Variants in COL23A1 observed in about 807,000 individuals in gnomAD.
The protein encoded by COL23A1 is collagen alpha-1(XXIII) chain.
COL23A1 carries 97 observed loss-of-function variants against 99.3 expected under a neutral mutation model. That is an observed-to-expected ratio of 0.98 (90% CI 0.83 to 1.16). The LOEUF is 1.16. Among genes scored for constraint, COL23A1 ranks in the 50% most tolerant of loss-of-function variants. COL23A1 has a pLI of 0.00. For missense variants in COL23A1, 762 were observed against 757.4 expected (o/e 1.01, Z -0.07); for synonymous variants, 320 against 308.2 (o/e 1.04, Z -0.40).
chr5:178,469,056 C>T (rs1274768010), intron 2 of COL23A1, among the ~76,000 whole-genome samples: 1 of 152,196 alleles, frequency 6.6e-6, no homozygotes, highest in Non-Finnish European at 1.5e-5. Flanking sequence ...CCTCAAGGTC[C>T]GTCCATGTTG....
intron 2 of COL23A1, among the ~76,000 whole-genome samples, chr5:178,330,192 GCC>G (rs1215798146): frequency 1.3e-5 from 2 of 152,224 alleles, no homozygotes; most frequent in East Asian, 3.8e-4. Flanking sequence ...CAGAAGAAGG[GCC>G]TAGGGTCTCC....
At chr5:178,425,893 T>C (rs1328478681) in intron 2 of COL23A1, among the ~76,000 whole-genome samples, 1 of 152,212 alleles carries the variant, frequency 6.6e-6, no homozygotes, top group Non-Finnish European at 1.5e-5. Context: ...TGCCTGCCCA[T>C]GGGGCTCAGA....
At chr5:178,448,430 A>G (rs143987829) in intron 2 of COL23A1, among the ~76,000 whole-genome samples, 8 of 151,526 alleles carry the variant, frequency 5.3e-5, no homozygotes, top group African/African-American at 1.9e-4. Context: ...TTGTTCTGTT[A>G]GTGCTAGTCG....
chr5:178,246,348 A>T, intron 23 of COL23A1, 41 bp from the exon 24 acceptor site: 1 of 1,562,520 alleles, frequency 6.4e-7, no homozygotes, highest in Non-Finnish European at 8.7e-7. Flanking sequence ...TGCTAGTGAC[A>T]GGAATTAACA....
chr5:178,431,982 AG>A (rs1766290339), intron 2 of COL23A1, among the ~76,000 whole-genome samples: 1 of 152,244 alleles, frequency 6.6e-6, no homozygotes, highest in Admixed American at 6.5e-5. Context: ...CTCTGGGCAA[AG>A]AACAGAAATC....
At chr5:178,383,203 T>G (rs1763476647) in intron 2 of COL23A1, among the ~76,000 whole-genome samples, 1 of 151,706 alleles carries the variant, frequency 6.6e-6, no homozygotes, top group Admixed American at 6.6e-5. Flanking sequence ...TTCTGGAACT[T>G]TCCTAGGTGC....
intron 2 of COL23A1, among the ~76,000 whole-genome samples, chr5:178,459,949 G>A (rs1026111065): frequency 3.9e-5 from 6 of 152,046 alleles, no homozygotes; most frequent in East Asian, 1.9e-4. Context: ...AATTCAATAC[G>A]ATGTTAATAA....
At position 178,484,031 on chromosome 5, in the gene COL23A1, A is replaced by G. The variant is rs1420092416; in HGVS notation, c.361+76651T>C. On this transcript the variant is annotated intron_variant, in intron 2 of 28. Coordinates refer to ENST00000390654, the MANE Select transcript of COL23A1 (RefSeq NM_173465.4). ...CGGCTCTCTGCAACCTCCCAGGTTC[A>G]AGCGATTCTCCTGCCTCAGTCTTCT... Among the ~76,000 whole-genome samples, 3 of 152,084 alleles carry G rather than the reference A, an allele frequency of 2.0e-5. No homozygotes were observed. The East Asian group carries it at 5.8e-4, about 29-fold the overall frequency.
In COL23A1 at chr5:178,427,266, C is replaced by T. The variant is rs541528970; in HGVS notation, c.362-120347G>A. Among the ~76,000 whole-genome samples, 4 of 152,324 alleles carry T rather than the reference C, an allele frequency of 2.6e-5. No homozygotes were observed. The South Asian group carries it at 8.3e-4, about 32-fold the overall frequency. ...ATGGCCAAAATCCAGCACACTGAAC[C>T]ACCAGATGCTGGCAGGGATGTGGAG... On this transcript the variant is annotated intron_variant, in intron 2 of 28. Transcript: ENST00000390654.
At position 178,418,999 on chromosome 5, in the gene COL23A1, T is replaced by C. The variant is rs527483390; in HGVS notation, c.362-112080A>G. Among the ~76,000 whole-genome samples, 3 of 152,306 alleles carry C rather than the reference T, an allele frequency of 2.0e-5. No homozygotes were observed. In the East Asian group the frequency reaches 5.8e-4, roughly 29 times the overall value. On this transcript the variant is annotated intron_variant, in intron 2 of 28. Transcript: ENST00000390654. ...CTCATCCACTTCATAGTGCTTGGAA[T>C]GAAGTCTGACCTATGGCAGATGCTC...
At chr5:178,381,833 C>T (rs1763396905) in intron 2 of COL23A1, among the ~76,000 whole-genome samples, 1 of 152,124 alleles carries the variant, frequency 6.6e-6, no homozygotes. Flanking sequence ...ATGGGATTTC[C>T]CTCTATTGCC....
chr5:178,547,602 C>CCT (rs1761690542), intron 2 of COL23A1, among the ~76,000 whole-genome samples: 1 of 9,084 alleles, frequency 1.1e-4, no homozygotes, highest in African/African-American at 2.6e-4. Flanking sequence ...CAACCACCCA[C>CCT]ACACACACCC....
chr5:178,284,221 T>C lies in COL23A1; in HGVS notation c.441+4103A>G, dbSNP rs145945968. ...GGATCCAAAAGCTCTTAAACACGGG[T>C]GATTTCCTCTTTAAACTCTATGCCT... On this transcript the variant is annotated intron_variant, in intron 5 of 28. Coordinates refer to ENST00000390654, the MANE Select transcript of COL23A1 (RefSeq NM_173465.4). Among the ~76,000 whole-genome samples the C allele has an allele frequency of 3.1e-4, 47 of 152,298 alleles. No individual in the cohort carries two copies. The East Asian group carries it at 8.3e-3, about 27-fold the overall frequency.
At position 178,281,617 on chromosome 5, in the gene COL23A1, G is replaced by C. The variant is rs528551557; in HGVS notation, c.441+6707C>G. On this transcript the variant is annotated intron_variant, in intron 5 of 28. Coordinates refer to ENST00000390654, the MANE Select transcript of COL23A1 (RefSeq NM_173465.4). The surrounding 1 kb of genome is among the most constrained non-coding windows in gnomAD (Gnocchi z 4.0). ...CGCCTGCCAGCCCTCGTTTCTGTTA[G>C]TCATTCAGGCTTCACCAGCAAATTA... Among the ~76,000 whole-genome samples, 217 of 152,342 alleles carry C rather than the reference G, an allele frequency of 1.4e-3. 1 individual carries two copies. Among genetic ancestry groups the C allele is most frequent in the Non-Finnish European group, 2.4e-3 (160 of 68,028 alleles).
chr5:178,574,877 A>G (rs554318153), intron 1 of COL23A1, among the ~76,000 whole-genome samples: 5 of 152,314 alleles, frequency 3.3e-5, no homozygotes, highest in South Asian at 2.1e-4. Context: ...CCTGCTCAAT[A>G]GGAATCCAGG....
chr5:178,438,684 G>C (rs1340301666), intron 2 of COL23A1: 5 of 151,596 alleles, frequency 3.3e-5, no homozygotes, highest in African/African-American at 1.2e-4. Context: ...ACTATAAAAT[G>C]CTTCAGAAAA....
intron 1 of COL23A1, among the ~76,000 whole-genome samples, chr5:178,567,431 C>G (rs751221048): frequency 2.6e-5 from 4 of 152,096 alleles, no homozygotes; most frequent in Non-Finnish European, 4.4e-5. Context: ...CAGGGGCACT[C>G]GTCAAAGAAA....
At position 178,331,165 on chromosome 5, in the gene COL23A1, C is replaced by T. The variant is rs770239583; in HGVS notation, c.362-24246G>A. On this transcript the variant is annotated intron_variant, in intron 2 of 28. Coordinates refer to ENST00000390654, the MANE Select transcript of COL23A1 (RefSeq NM_173465.4). ...TGCAAGCTGGCAGAGGCACTGCCTC[C>T]GCTGTCATGCTATGTTCCCTTCTGG... is the stretch of plus-strand genomic sequence containing the variant. Among the ~76,000 whole-genome samples, 59 of 152,352 alleles carry T rather than the reference C, an allele frequency of 3.9e-4. 1 individual carries two copies. Among genetic ancestry groups the T allele is most frequent in the Non-Finnish European group, 6.3e-4 (43 of 68,038 alleles).
At chr5:178,298,467 C>T (rs1757865292) in intron 3 of COL23A1, among the ~76,000 whole-genome samples, 1 of 152,160 alleles carries the variant, frequency 6.6e-6, no homozygotes, top group Non-Finnish European at 1.5e-5. Flanking sequence ...TTTCCCATAG[C>T]CTGGCAGGGG....
Sources: gnomAD v4.1 joint callset for allele counts (sites outside exome capture counted in the v4.1 genomes callset) on GRCh38, gnomAD v4.1.1 for gene constraint, Gnocchi (gnomAD v3.1) non-coding constraint, MANE v1.5 for transcripts, NCBI Gene and HGNC (gene_info 2026-07-23, HGNC 2026-07-21) for gene names.